Variants in UQCRC2 observed in about 807,000 individuals in gnomAD.
UQCRC2 encodes the protein cytochrome b-c1 complex subunit 2, mitochondrial.
Under a neutral mutation model 55.6 loss-of-function variants are expected in UQCRC2, and 49 were observed. The ratio of observed to expected loss-of-function variants is 0.88; its 90% CI spans 0.70 to 1.12. The LOEUF (loss-of-function observed/expected upper bound fraction) is 1.12. Ranked by LOEUF, UQCRC2 falls within the 50% of genes most tolerant of loss-of-function variation. UQCRC2 has a pLI of 0.00. For synonymous variants in UQCRC2, 193 were observed against 192.0 expected (o/e 1.01, Z -0.04); for missense variants, 506 against 547.8 (o/e 0.92, Z 0.76).
chr16:21,970,456 G>A (rs905904498), intron 8 of UQCRC2, among the ~76,000 whole-genome samples: 6 of 152,142 alleles, frequency 3.9e-5, no homozygotes, highest in East Asian at 1.9e-4. Context: ...AACACTTATC[G>A]TCTGTCTTTC....
In UQCRC2 at chr16:21,957,526, A is replaced by G. The variant is rs775768534; in HGVS notation, c.227A>G (p.Asn76Ser). ...GGCAGTAGATATGAGGACTTCAGCA[A>G]TTTAGGAACCACCCATTTGCTGCGT... ...KAGSRYEDFS[N>S]LGTTHLLRLT... The change falls in exon 3 of 14, where the codon AAT becomes AGT. Residue 76 changes from asparagine (N) to serine (S), a missense_variant. Coordinates refer to ENST00000268379, the MANE Select transcript of UQCRC2 (RefSeq NM_003366.4). 3.7e-6 allele frequency: 6 copies of G among 1,614,186 alleles called. No individual in the cohort carries two copies. The highest frequency in any genetic ancestry group is 3.3e-5 in the Admixed American group (2 of 60,014).
At chr16:21,982,844 A>G (rs547585129) in intron 13 of UQCRC2, among the ~76,000 whole-genome samples, 1 of 152,146 alleles carries the variant, frequency 6.6e-6, no homozygotes, top group Admixed American at 6.5e-5. Flanking sequence ...ACATGCCTGT[A>G]ATCCCAGCTC....
intron 12 of UQCRC2, chr16:21,976,473 T>TTGC: frequency 2.4e-6 from 1 of 410,858 alleles, no homozygotes; most frequent in South Asian, 3.4e-5. Flanking sequence ...AGGTGGTTCA[T>TTGC]TTGAGACCAG....
chr16:21,975,283 G>A (rs1898555065), intron 11 of UQCRC2, among the ~76,000 whole-genome samples: 1 of 152,112 alleles, frequency 6.6e-6, no homozygotes, highest in Admixed American at 6.5e-5. Context: ...TTGAAAGACT[G>A]GACAAGTCAA....
intron 1 of UQCRC2, among the ~76,000 whole-genome samples, chr16:21,956,677 A>C (rs1044802505): frequency 6.6e-6 from 1 of 152,228 alleles, no homozygotes; most frequent in Non-Finnish European, 1.5e-5. Context: ...TACATCATTT[A>C]AAAAATAAGC....
chr16:21,964,056 A>C (rs1374903156), intron 6 of UQCRC2, among the ~76,000 whole-genome samples: 2 of 152,168 alleles, frequency 1.3e-5, no homozygotes, highest in Non-Finnish European at 1.5e-5. Context: ...GTGGGAGCAG[A>C]AATGTGCAGG....
At chr16:21,982,132 G>A (rs554920243) in intron 13 of UQCRC2, among the ~76,000 whole-genome samples, 4 of 151,956 alleles carry the variant, frequency 2.6e-5, no homozygotes, top group South Asian at 2.1e-4. Context: ...GAATCAACGC[G>A]CCCAGCCCAT....
chr16:21,968,743 CTG>C (rs1321677619), intron 8 of UQCRC2, 58 bp downstream of exon 8: 10 of 1,491,990 alleles, frequency 6.7e-6, no homozygotes, highest in Admixed American at 2.0e-5. Flanking sequence ...GTTCCTTAAA[CTG>C]TAATTACGTG....
chr16:21,975,160 T>G (rs1898552380), intron 11 of UQCRC2, among the ~76,000 whole-genome samples: 2 of 151,964 alleles, frequency 1.3e-5, no homozygotes, highest in South Asian at 2.1e-4. Flanking sequence ...AGTGGGCAGG[T>G]GAGAAGTATG....
chr16:21,967,747 T>C (rs185821010), intron 7 of UQCRC2, among the ~76,000 whole-genome samples: 21 of 152,282 alleles, frequency 1.4e-4, no homozygotes, highest in Middle Eastern at 3.4e-3. Flanking sequence ...ATTGTGATCT[T>C]ACAGTTTCGA....
chr16:21,958,503 G>A, intron 3 of UQCRC2, 32 bp from the exon 4 acceptor site: 2 of 1,604,762 alleles, frequency 1.2e-6, no homozygotes, highest in South Asian at 1.1e-5. Context: ...GCATTGAAAA[G>A]CTACAAAGAT....
At position 21,966,006 on chromosome 16, in the gene UQCRC2, T is replaced by G. The variant is rs368876887; in HGVS notation, c.612+501T>G. Among the ~76,000 whole-genome samples the G allele has an allele frequency of 7.9e-5, 12 of 152,178 alleles. No homozygotes were observed. The South Asian group carries it at 1.9e-3, about 24-fold the overall frequency. On this transcript the variant is annotated intron_variant, in intron 7 of 13. Coordinates refer to ENST00000268379, the MANE Select transcript of UQCRC2 (RefSeq NM_003366.4). ...GCCTGTGTATCTTTTTTAAACAGTATTTAAATGTTTAAGTATCATAATAGG... is the reference window on the plus strand; with the variant it reads ...GCCTGTGTATCTTTTTTAAACAGTAGTTAAATGTTTAAGTATCATAATAGG...
At position 21,962,496 on chromosome 16, in the gene UQCRC2, G is replaced by A; in HGVS notation, c.369G>A (p.Val123=). The stretch of plus-strand genomic sequence containing the variant: ...CAAGGGAAAACATGGCTTATACTGT[G>A]GAATGCCTGCGGGGTGATGTGTAAG... ...TATRENMAYT[V]ECLRGDVDIL... Residue 123 remains valine (V), a synonymous_variant, in exon 5 of 14, where the codon GTG becomes GTA. Transcript: ENST00000268379. 1 of 1,614,136 alleles carries A rather than the reference G, an allele frequency of 6.2e-7. No homozygotes were observed. The highest frequency in any genetic ancestry group is 8.5e-7 in the Non-Finnish European group (1 of 1,180,014).
intron 12 of UQCRC2, among the ~76,000 whole-genome samples, chr16:21,977,377 A>G (rs1443651381): frequency 1.3e-5 from 2 of 152,136 alleles, no homozygotes; most frequent in African/African-American, 4.8e-5. Context: ...ATGTATTTCT[A>G]AGTCACAAAT....
In UQCRC2 at chr16:21,976,250, C is replaced by G; in HGVS notation, c.1124+7C>G. ...CAGATGTCCAAGCTGCCAAGTAAGT[C>G]TCAGTATTAACTGTGTTTTATGTTT... is the stretch of plus-strand genomic sequence containing the variant. On this transcript the variant is annotated splice_region_variant and intron_variant, in intron 12 of 13. Coordinates refer to ENST00000268379, the MANE Select transcript of UQCRC2 (RefSeq NM_003366.4). The G allele has an allele frequency of 6.2e-7, 1 of 1,606,940 alleles. No individual in the cohort carries two copies. The highest frequency in any genetic ancestry group is 8.5e-7 in the Non-Finnish European group (1 of 1,173,564).
intron 11 of UQCRC2, 81 bp downstream of exon 11, chr16:21,974,057 T>C: frequency 3.0e-6 from 4 of 1,318,068 alleles, no homozygotes; most frequent in Non-Finnish European, 4.3e-6. Context: ...GGTTAAAATA[T>C]GGAATGTTTG....
At position 21,962,893 on chromosome 16, in the gene UQCRC2, C is replaced by T. The variant is rs754839746; in HGVS notation, c.514+8C>T. 9 of 1,612,518 alleles carry T rather than the reference C, an allele frequency of 5.6e-6. No homozygotes were observed. Among genetic ancestry groups the T allele is most frequent in the South Asian group, 2.2e-5 (2 of 90,984 alleles). ...TTCAGAATCCGCAGACTCGTAAGTACATTTCCAGATCACATTTGATTCTAA... is the reference window on the plus strand; with the variant it reads ...TTCAGAATCCGCAGACTCGTAAGTATATTTCCAGATCACATTTGATTCTAA... On this transcript the variant is annotated splice_region_variant and intron_variant, in intron 6 of 13. Coordinates refer to ENST00000268379, the MANE Select transcript of UQCRC2 (RefSeq NM_003366.4).
intron 8 of UQCRC2, among the ~76,000 whole-genome samples, chr16:21,969,054 A>C (rs1277235564): frequency 6.6e-6 from 1 of 152,210 alleles, no homozygotes. Flanking sequence ...TGTGTAGCCA[A>C]CTATCTTTGT....
chr16:21,968,924 CAA>C (rs1406009457), intron 8 of UQCRC2, among the ~76,000 whole-genome samples: 1 of 152,090 alleles, frequency 6.6e-6, no homozygotes, highest in African/African-American at 2.4e-5. Context: ...AAACCTGTGA[CAA>C]AGGTGAATTT....
Sources: allele counts gnomAD v4.1 joint callset (sites outside exome capture counted in the v4.1 genomes callset), GRCh38; gene constraint gnomAD v4.1.1; transcripts MANE v1.5; gene names NCBI Gene and HGNC (gene_info 2026-07-23, HGNC 2026-07-21).